Variants in CDH13 observed in about 807,000 individuals in gnomAD.
CDH13 encodes the protein cadherin-13.
CDH13 carries 24 observed loss-of-function variants against 63.8 expected under a neutral mutation model. The ratio of observed to expected loss-of-function variants is 0.38; its 90% confidence interval spans 0.27 to 0.53. The LOEUF (loss-of-function observed/expected upper bound fraction) is 0.53, where lower values mean the gene tolerates loss of function less well. Among genes scored for constraint, CDH13 ranks in the 20% least tolerant of loss-of-function variants. CDH13 has a pLI of 0.85. For missense variants in CDH13, 1,049 were observed against 903.1 expected, an observed-to-expected ratio of 1.16 and a Z score of -2.07; for synonymous variants, 503 against 355.3, an observed-to-expected ratio of 1.42 and a Z score of -4.67.
chr16:83,266,718 G>A (rs1282654865), intron 5 of CDH13, among the ~76,000 whole-genome samples: 1 of 152,306 alleles, frequency 6.6e-6, no homozygotes, highest in Non-Finnish European at 1.5e-5. Context: ...AAGGTTCACA[G>A]CACAACAAAC....
At chr16:82,815,668 C>G (rs1597683229) in intron 1 of CDH13, among the ~76,000 whole-genome samples, 1 of 152,128 alleles carries the variant, frequency 6.6e-6, no homozygotes, top group East Asian at 1.9e-4. Flanking sequence ...CTTTTCCAGT[C>G]TCCACAGGGC....
intron 6 of CDH13, among the ~76,000 whole-genome samples, chr16:83,481,288 T>G (rs928522933): frequency 6.6e-6 from 1 of 152,210 alleles, no homozygotes. Flanking sequence ...TTGTAAAAAA[T>G]GAGCCTGACA....
At chr16:82,685,722 A>G (rs1914999404) in intron 1 of CDH13, among the ~76,000 whole-genome samples, 1 of 152,236 alleles carries the variant, frequency 6.6e-6, no homozygotes, top group African/African-American at 2.4e-5. Flanking sequence ...TGGCTCAGGC[A>G]GCTTTCGCTT....
intron 2 of CDH13, among the ~76,000 whole-genome samples, chr16:82,928,563 G>C (rs1293782122): frequency 6.6e-6 from 1 of 152,086 alleles, no homozygotes; most frequent in East Asian, 1.9e-4. Context: ...ATATTCTACT[G>C]TTGTTTTCAT....
intron 6 of CDH13, among the ~76,000 whole-genome samples, chr16:83,414,195 A>G (rs909034218): frequency 6.6e-6 from 1 of 152,204 alleles, no homozygotes; most frequent in African/African-American, 2.4e-5. Context: ...GGAATTTTCC[A>G]TATGAATCAA....
At chr16:82,680,089 G>A (rs1914380580) in intron 1 of CDH13, among the ~76,000 whole-genome samples, 1 of 152,328 alleles carries the variant, frequency 6.6e-6, no homozygotes, top group African/African-American at 2.4e-5. Flanking sequence ...GGGGAAGAGA[G>A]AGTTGGTGCC....
At position 83,747,379 on chromosome 16, in the gene CDH13, G is replaced by C. The variant is rs191817301; in HGVS notation, c.1539-729G>C. On this transcript the variant is annotated intron_variant, in intron 10 of 13. Transcript: ENST00000567109. ...GGTTTTATAAAGGGAAACCCATTTT[G>C]CTTGGTTTCACTCTCTCGTCTGCCA... 3.9e-3 allele frequency among the ~76,000 whole-genome samples: 588 copies of C among 152,200 alleles called. 3 individuals are homozygous for C. The highest frequency in any genetic ancestry group is 0.013 in the African/African-American group (543 of 41,532).
At chr16:83,467,621 T>A (rs1368925000) in intron 6 of CDH13, among the ~76,000 whole-genome samples, 5 of 152,192 alleles carry the variant, frequency 3.3e-5, no homozygotes, top group Non-Finnish European at 5.9e-5. Context: ...GAAACTTTCT[T>A]TGGGCACGAG....
chr16:82,820,559 G>C (rs973515318), intron 1 of CDH13, among the ~76,000 whole-genome samples: 2 of 152,174 alleles, frequency 1.3e-5, no homozygotes, highest in Admixed American at 1.3e-4. Flanking sequence ...GTTATTTTTA[G>C]AGCCCAGGCT....
intron 4 of CDH13, among the ~76,000 whole-genome samples, chr16:83,148,607 A>G (rs1567877595): frequency 6.6e-6 from 1 of 152,208 alleles, no homozygotes; most frequent in African/African-American, 2.4e-5. Flanking sequence ...ATTGAATAAG[A>G]TAATCTTTGA....
At chr16:83,096,978 C>T (rs1028381926) in intron 3 of CDH13, among the ~76,000 whole-genome samples, 1 of 151,990 alleles carries the variant, frequency 6.6e-6, no homozygotes, top group Admixed American at 6.6e-5. Context: ...TATCTTGGTC[C>T]TGTCCTTTGA....
At chr16:83,563,673 ATG>A (rs1451768908) in intron 7 of CDH13, among the ~76,000 whole-genome samples, 1 of 152,144 alleles carries the variant, frequency 6.6e-6, no homozygotes, top group Admixed American at 6.5e-5. Flanking sequence ...GCGTGTGTGT[ATG>A]TGTGTGTTTG....
intron 7 of CDH13, among the ~76,000 whole-genome samples, chr16:83,536,408 A>T (rs952377191): frequency 5.3e-5 from 8 of 152,082 alleles, no homozygotes; most frequent in African/African-American, 1.7e-4. Flanking sequence ...AATCAAGAGG[A>T]TGAGGTGGTG....
At chr16:83,684,382 A>C (rs1242282528) in intron 10 of CDH13, among the ~76,000 whole-genome samples, 1 of 152,226 alleles carries the variant, frequency 6.6e-6, no homozygotes, top group Non-Finnish European at 1.5e-5. Context: ...TCACAAAAAA[A>C]AAAAGTAGCC....
chr16:83,126,976 G>C (rs923595719), intron 4 of CDH13, among the ~76,000 whole-genome samples: 13 of 152,150 alleles, frequency 8.5e-5, no homozygotes, highest in African/African-American at 3.1e-4. Context: ...AGTAGAGGGA[G>C]GAGGGAATCT....
At chr16:83,518,693 G>A (rs374363687) in intron 7 of CDH13, among the ~76,000 whole-genome samples, 4 of 150,764 alleles carry the variant, frequency 2.7e-5, no homozygotes, top group Admixed American at 6.6e-5. Flanking sequence ...GGATGGTCTC[G>A]ATCTCCTGAC....
intron 5 of CDH13, among the ~76,000 whole-genome samples, chr16:83,307,142 A>T (rs1165080494): frequency 6.6e-6 from 1 of 152,182 alleles, no homozygotes; most frequent in African/African-American, 2.4e-5. Flanking sequence ...TTCTGCTATA[A>T]GCCATGGTGT....
chr16:83,551,522 T>G (rs2075497581), intron 7 of CDH13, among the ~76,000 whole-genome samples: 1 of 152,226 alleles, frequency 6.6e-6, no homozygotes, highest in Non-Finnish European at 1.5e-5. Flanking sequence ...AGTGCTCACA[T>G]TGGTGCTTCA....
intron 1 of CDH13, among the ~76,000 whole-genome samples, chr16:82,813,011 T>A (rs1319844700): frequency 6.6e-6 from 1 of 152,104 alleles, no homozygotes; most frequent in African/African-American, 2.4e-5. Context: ...ACCTGGGAGT[T>A]GAATCAATGA....
Sources: gnomAD v4.1 joint callset for allele counts (sites outside exome capture counted in the v4.1 genomes callset) on GRCh38, gnomAD v4.1.1 for gene constraint, MANE v1.5 for transcripts, NCBI Gene and HGNC (gene_info 2026-07-23, HGNC 2026-07-21) for gene names.